The following SLC35F3 variants were observed in gnomAD, a reference collection of about 807,000 sequenced individuals.
SLC35F3 encodes solute carrier family 35 member F3.
A neutral mutation model predicts 49.9 loss-of-function variants in SLC35F3; 25 were observed. That is an observed-to-expected ratio of 0.50 (90% CI 0.37 to 0.70). The LOEUF (loss-of-function observed/expected upper bound fraction) is 0.70, where lower values mean the gene tolerates loss of function less well. Among genes scored for constraint, SLC35F3 ranks in the 30% least tolerant of loss-of-function variants. The probability of loss-of-function intolerance (pLI) is 0.00; values close to 1 mark genes in which losing one functional copy is unlikely to be tolerated. For synonymous variants in SLC35F3, 275 were observed against 265.4 expected (o/e 1.04, Z -0.35); for missense variants, 525 against 639.8 (o/e 0.82, Z 1.94).
intron 2 of SLC35F3, among the ~76,000 whole-genome samples, chr1:234,107,749 C>T (rs1014227963): frequency 1.3e-5 from 2 of 152,232 alleles, no homozygotes; most frequent in Non-Finnish European, 1.5e-5. Context: ...TTTTACAAAT[C>T]AAATGAGAAA....
chr1:234,046,079 A>G lies in SLC35F3; in HGVS notation c.283+140321A>G, dbSNP rs979861989. 3.9e-5 allele frequency among the ~76,000 whole-genome samples: 6 copies of G among 152,132 alleles called. No homozygotes were observed. The East Asian group carries it at 1.2e-3, about 29-fold the overall frequency. Reference sequence around the variant, plus strand: ...TATTTCTCACATTTTGCTACTGAAAACAGCACTGCAGGAAACATTTTGTAT... The same window carrying G: ...TATTTCTCACATTTTGCTACTGAAAGCAGCACTGCAGGAAACATTTTGTAT... On this transcript the variant is annotated intron_variant, in intron 2 of 7. Coordinates refer to ENST00000366618, the MANE Select transcript of SLC35F3 (RefSeq NM_173508.4). This position sits in a 1 kb window ranked among gnomAD's most constrained non-coding sequence, Gnocchi z 4.4.
intron 2 of SLC35F3, among the ~76,000 whole-genome samples, chr1:234,154,486 T>G (rs2102910257): frequency 6.6e-6 from 1 of 152,258 alleles, no homozygotes; most frequent in East Asian, 1.9e-4. Context: ...CAACCCTTCT[T>G]GGAGAAACAG....
intron 2 of SLC35F3, among the ~76,000 whole-genome samples, chr1:234,166,444 A>G (rs1196418972): frequency 6.6e-6 from 1 of 152,232 alleles, no homozygotes; most frequent in South Asian, 2.1e-4. Flanking sequence ...CTTAATTTTA[A>G]TAATAGAGAA....
At chr1:234,178,273 G>C (rs1008762548) in intron 2 of SLC35F3, among the ~76,000 whole-genome samples, 1 of 151,988 alleles carries the variant, frequency 6.6e-6, no homozygotes, top group African/African-American at 2.4e-5. Flanking sequence ...AGATCACCTA[G>C]CCCATGCCCC....
At chr1:233,960,836 C>G (rs531608599) in intron 2 of SLC35F3, among the ~76,000 whole-genome samples, 2 of 152,150 alleles carry the variant, frequency 1.3e-5, no homozygotes, top group African/African-American at 4.8e-5. Context: ...TCGACCTTGA[C>G]CTTGCATAAC....
chr1:233,972,171 G>A (rs1352439094), intron 2 of SLC35F3, among the ~76,000 whole-genome samples: 1 of 152,210 alleles, frequency 6.6e-6, no homozygotes, highest in African/African-American at 2.4e-5. Context: ...ACAGCGTGGT[G>A]GATTGTTTAA....
intron 2 of SLC35F3, among the ~76,000 whole-genome samples, chr1:234,104,299 A>AAAAT (rs1665252409): frequency 6.6e-6 from 1 of 152,220 alleles, no homozygotes; most frequent in Non-Finnish European, 1.5e-5. Context: ...AAAAACTGGG[A>AAAAT]AAATATAATG....
intron 3 of SLC35F3, 86 bp from the exon 4 acceptor site, chr1:234,309,015 T>A (rs1368879889): frequency 1.1e-6 from 1 of 951,494 alleles, no homozygotes. Flanking sequence ...TATATTTGCT[T>A]AAAAAAAAAA....
Position 233,918,172 on chromosome 1 carries a change from C to T in SLC35F3, c.283+12414C>T, listed in dbSNP as rs148196249. Among the ~76,000 whole-genome samples the T allele has an allele frequency of 5.9e-4, 90 of 152,338 alleles. No individual in the cohort carries two copies. The South Asian group carries it at 0.017, about 29-fold the overall frequency. On this transcript the variant is annotated intron_variant, in intron 2 of 7. Coordinates refer to ENST00000366618, the MANE Select transcript of SLC35F3 (RefSeq NM_173508.4). Reference sequence around the variant, plus strand: ...CTGTGCCTCTTTGGAACAGATGACTCCTAATGGTCAGCAGGTGGTCTGAGG... The same window carrying T: ...CTGTGCCTCTTTGGAACAGATGACTTCTAATGGTCAGCAGGTGGTCTGAGG...
At position 233,908,644 on chromosome 1, in the gene SLC35F3, C is replaced by T. The variant is rs561292754; in HGVS notation, c.283+2886C>T. ...GCAACTTCCACCTCCCGGGTTCAAG[C>T]GATTCTCCTGCTTCAGCCTTCTGAG... On this transcript the variant is annotated intron_variant, in intron 2 of 7. Coordinates refer to ENST00000366618, the MANE Select transcript of SLC35F3 (RefSeq NM_173508.4). 1.3e-4 allele frequency among the ~76,000 whole-genome samples: 19 copies of T among 147,208 alleles called. No individual in the cohort carries two copies. The East Asian group carries it at 2.2e-3, about 17-fold the overall frequency.
In SLC35F3 at chr1:234,323,173, A is replaced by T; in HGVS notation, c.1403A>T (p.Glu468Val). Residue 468 changes from glutamate (E) to valine (V), a missense_variant, in exon 8 of 8, where the codon GAG becomes GTG. By Grantham distance (121) the Glu-to-Val change is moderately radical. Around this residue, in one of 4 missense-constraint regions of SLC35F3, gnomAD observed 76 missense variants for 95.6 expected, o/e 0.80. Coordinates refer to ENST00000366618, the MANE Select transcript of SLC35F3 (RefSeq NM_173508.4). The surrounding 1 kb of genome is among the most constrained non-coding windows in gnomAD (Gnocchi z 4.5). ...LKVRKKEEPA[E>V]GAADLSSGPQ... ...GTGAGGAAGAAGGAGGAGCCTGCAGAGGGCGCTGCCGACCTGAGCTCAGGA... is the reference window on the plus strand; with the variant it reads ...GTGAGGAAGAAGGAGGAGCCTGCAGTGGGCGCTGCCGACCTGAGCTCAGGA... The T allele has an allele frequency of 6.2e-7, 1 of 1,614,166 alleles. No homozygotes were observed. Among genetic ancestry groups the T allele is most frequent in the Non-Finnish European group, 8.5e-7 (1 of 1,180,030 alleles).
chr1:234,190,347 C>A (rs1019107365), intron 2 of SLC35F3, among the ~76,000 whole-genome samples: 1 of 152,094 alleles, frequency 6.6e-6, no homozygotes, highest in Non-Finnish European at 1.5e-5. Flanking sequence ...TAAGGACTCA[C>A]ATAAACTTAA....
chr1:234,181,338 G>GAAAAAAAAAAAAAAAAAGAAAAAAAA (rs1666554008), intron 2 of SLC35F3, among the ~76,000 whole-genome samples: 1 of 97,310 alleles, frequency 1.0e-5, no homozygotes, highest in Non-Finnish European at 2.1e-5. Context: ...TCTGTCTCAA[G>GAAAAAAAAAAAAAAAAAGAAAAAAAA]AAAAAAAAAA....
intron 3 of SLC35F3, among the ~76,000 whole-genome samples, chr1:234,242,820 A>G (rs1667574042): frequency 6.6e-6 from 1 of 152,228 alleles, no homozygotes. Context: ...TTATTAATTT[A>G]TGACAAAATA....
chr1:233,986,378 T>C (rs12023178), intron 2 of SLC35F3, among the ~76,000 whole-genome samples: 42,840 of 152,080 alleles, frequency 0.28, 6,292 homozygotes, highest in East Asian at 0.49. Context: ...CATAAATGTT[T>C]GTTCTGAATA....
intron 3 of SLC35F3, among the ~76,000 whole-genome samples, chr1:234,237,786 A>C (rs867566134): frequency 2.0e-5 from 3 of 152,222 alleles, no homozygotes; most frequent in Admixed American, 1.3e-4. Flanking sequence ...TGACAAGAGC[A>C]AGTGGAAATG....
chr1:234,284,386 C>T (rs1215619681), intron 3 of SLC35F3, among the ~76,000 whole-genome samples: 2 of 152,168 alleles, frequency 1.3e-5, no homozygotes, highest in Non-Finnish European at 2.9e-5. Flanking sequence ...CCACATAGCA[C>T]GTGGCTGCCC....
chr1:234,109,635 T>C (rs745448029), intron 2 of SLC35F3, among the ~76,000 whole-genome samples: 2 of 152,110 alleles, frequency 1.3e-5, no homozygotes, highest in Non-Finnish European at 2.9e-5. Flanking sequence ...CAGTGAACAC[T>C]TAGGGAGGGA....
chr1:234,060,088 A>G (rs962201266), intron 2 of SLC35F3, among the ~76,000 whole-genome samples: 3 of 152,252 alleles, frequency 2.0e-5, no homozygotes, highest in Non-Finnish European at 2.9e-5. Flanking sequence ...TTAAGAATCA[A>G]TAACAAAACA....
Sources: allele counts gnomAD v4.1 joint callset (sites outside exome capture counted in the v4.1 genomes callset), GRCh38; gene constraint gnomAD v4.1.1; regional missense constraint gnomAD v4.1.1; non-coding constraint Gnocchi (gnomAD v3.1); transcripts MANE v1.5; gene names NCBI Gene and HGNC (gene_info 2026-07-23, HGNC 2026-07-21).